Variants in CSMD1 observed in about 807,000 individuals in gnomAD.
CSMD1 encodes CUB and sushi domain-containing protein 1.
In CSMD1, 213 loss-of-function variants were observed where a neutral mutation model predicts 417.5. The observed-to-expected ratio is 0.51, with a 90% CI of 0.46 to 0.57. CSMD1 has a LOEUF of 0.57. Among genes scored for constraint, CSMD1 ranks in the 20% least tolerant of loss-of-function variants. The pLI is 0.00. For synonymous variants in CSMD1, 2,862 were observed against 1,736.8 expected, an observed-to-expected ratio of 1.65 and a Z score of -16.11; for missense variants, 6,923 against 4,529.7, an observed-to-expected ratio of 1.53 and a Z score of -15.17.
chr8:4,763,912 CA>C (rs1812279051), intron 1 of CSMD1, among the ~76,000 whole-genome samples: 1 of 152,182 alleles, frequency 6.6e-6, no homozygotes, highest in Non-Finnish European at 1.5e-5. Flanking sequence ...CTGAGCACTT[CA>C]AAATATTGAG....
intron 1 of CSMD1, among the ~76,000 whole-genome samples, chr8:4,860,267 G>C (rs1229005582): frequency 7.9e-6 from 1 of 126,346 alleles, no homozygotes; most frequent in Non-Finnish European, 1.7e-5. Flanking sequence ...GTTGTGGGGT[G>C]GGGGGAGGGG....
Position 3,531,411 on chromosome 8 carries a change from T to A in CSMD1, c.1345-37685A>T, listed in dbSNP as rs35551429. On this transcript the variant is annotated intron_variant, in intron 10 of 69. Coordinates refer to ENST00000635120, the MANE Select transcript of CSMD1 (RefSeq NM_033225.6). The stretch of plus-strand genomic sequence containing the variant: ...TAGAATCTGGAATTATAAAACACAA[T>A]AGTAACATTATTCTATATGTGATAA... Among the ~76,000 whole-genome samples, 13 of 152,224 alleles carry A rather than the reference T, an allele frequency of 8.5e-5. No homozygotes were observed. In the Middle Eastern group the frequency reaches 0.014, roughly 159 times the overall value.
chr8:4,011,086 T>G (rs1390074691), intron 4 of CSMD1, among the ~76,000 whole-genome samples: 1 of 152,192 alleles, frequency 6.6e-6, no homozygotes, highest in African/African-American at 2.4e-5. Context: ...TTGGTTTCCA[T>G]TTCACAAAGA....
intron 2 of CSMD1, among the ~76,000 whole-genome samples, chr8:4,609,310 A>G (rs555913675): frequency 2.8e-4 from 42 of 152,202 alleles, no homozygotes; most frequent in Middle Eastern, 6.8e-3. Context: ...CTGAGGTGGG[A>G]GGATTGCTGG....
chr8:3,423,472 T>G (rs1023102683), intron 12 of CSMD1, among the ~76,000 whole-genome samples: 6 of 152,224 alleles, frequency 3.9e-5, no homozygotes. Context: ...GTGTAATGAT[T>G]CTGAGATTCA....
intron 26 of CSMD1, among the ~76,000 whole-genome samples, chr8:3,234,980 T>G (rs918266327): frequency 4.6e-5 from 7 of 152,256 alleles, no homozygotes; most frequent in Non-Finnish European, 8.8e-5. Flanking sequence ...CTTGTTCATC[T>G]GAATGAACTT....
intron 3 of CSMD1, among the ~76,000 whole-genome samples, chr8:4,273,417 G>A (rs1011488557): frequency 6.6e-6 from 1 of 152,044 alleles, no homozygotes; most frequent in African/African-American, 2.4e-5. Flanking sequence ...ACCCTGCTCA[G>A]GTCAATTATA....
intron 1 of CSMD1, among the ~76,000 whole-genome samples, chr8:4,797,618 T>C (rs1026384513): frequency 8.5e-5 from 13 of 152,070 alleles, no homozygotes; most frequent in Admixed American, 3.3e-4. Flanking sequence ...GAAAAAGAGA[T>C]TGAAACAGTA....
intron 5 of CSMD1, among the ~76,000 whole-genome samples, chr8:3,982,205 T>TAATAAA (rs1554506376): frequency 1.2e-4 from 16 of 138,502 alleles, no homozygotes; most frequent in African/African-American, 3.4e-4. Flanking sequence ...ATAAAAAAAA[T>TAATAAA]AATAATAATA....
At chr8:4,583,704 G>T (rs1405878537) in intron 2 of CSMD1, among the ~76,000 whole-genome samples, 1 of 152,004 alleles carries the variant, frequency 6.6e-6, no homozygotes, top group Non-Finnish European at 1.5e-5. Flanking sequence ...ATCTAGCTCA[G>T]GCATTGTAAA....
intron 2 of CSMD1, among the ~76,000 whole-genome samples, chr8:4,502,573 C>A (rs140825438): frequency 2.2e-4 from 34 of 152,156 alleles, no homozygotes; most frequent in Non-Finnish European, 4.0e-4. Flanking sequence ...AGACAAAAAA[C>A]TTGTTTAACC....
chr8:4,252,524 C>G (rs1243840380), intron 3 of CSMD1, among the ~76,000 whole-genome samples: 2 of 152,188 alleles, frequency 1.3e-5, no homozygotes, highest in Non-Finnish European at 2.9e-5. Flanking sequence ...TCCTCAAACA[C>G]CATAAAATGC....
chr8:3,776,131 C>A (rs1298411869), intron 5 of CSMD1, among the ~76,000 whole-genome samples: 1 of 152,158 alleles, frequency 6.6e-6, no homozygotes, highest in Non-Finnish European at 1.5e-5. Flanking sequence ...TTCTTACCTG[C>A]ACACACTCTG....
At chr8:2,992,472 G>A (rs977841394) in intron 54 of CSMD1, among the ~76,000 whole-genome samples, 2 of 152,014 alleles carry the variant, frequency 1.3e-5, no homozygotes, top group Admixed American at 1.3e-4. Flanking sequence ...CAGTCAGGCT[G>A]GAGTGCAGTG....
chr8:4,908,000 G>C (rs1805412664), intron 1 of CSMD1, among the ~76,000 whole-genome samples: 1 of 151,782 alleles, frequency 6.6e-6, no homozygotes, highest in East Asian at 1.9e-4. Context: ...CACCATCTGG[G>C]AATTATTACT....
At chr8:3,631,211 C>T (rs1007185488) in intron 7 of CSMD1, among the ~76,000 whole-genome samples, 1 of 152,150 alleles carries the variant, frequency 6.6e-6, no homozygotes, top group African/African-American at 2.4e-5. Context: ...CTTTATGTTG[C>T]TATGTGGACA....
At chr8:4,607,846 C>G (rs924825773) in intron 2 of CSMD1, among the ~76,000 whole-genome samples, 1 of 152,160 alleles carries the variant, frequency 6.6e-6, no homozygotes, top group African/African-American at 2.4e-5. Flanking sequence ...TCACTATTTT[C>G]TGAATCTTCC....
At chr8:4,463,174 G>C (rs998547586) in intron 2 of CSMD1, among the ~76,000 whole-genome samples, 1 of 151,966 alleles carries the variant, frequency 6.6e-6, no homozygotes, top group East Asian at 1.9e-4. Context: ...TGGCCAAGAA[G>C]CCCGTATAAA....
At chr8:4,897,133 G>T (rs914796310) in intron 1 of CSMD1, among the ~76,000 whole-genome samples, 1 of 152,050 alleles carries the variant, frequency 6.6e-6, no homozygotes. Context: ...GAATTTATGA[G>T]CAAGGCAGGT....
Sources: gnomAD v4.1 joint callset for allele counts (sites outside exome capture counted in the v4.1 genomes callset) on GRCh38, gnomAD v4.1.1 for gene constraint, MANE v1.5 for transcripts, NCBI Gene and HGNC (gene_info 2026-07-23, HGNC 2026-07-21) for gene names.